Variants in SPECC1 observed in about 807,000 individuals in gnomAD.
SPECC1 encodes sperm antigen with calponin homology and coiled-coil domains 1, also known as cytospin-B.
Under a neutral mutation model 104.1 loss-of-function variants are expected in SPECC1, and 62 were observed. That is an observed-to-expected ratio of 0.60 (90% CI 0.49 to 0.74). The LOEUF is 0.74. Among genes scored for constraint, SPECC1 ranks in the 30% least tolerant of loss-of-function variants. The probability of loss-of-function intolerance (pLI) is 0.00; values close to 1 mark genes in which losing one functional copy is unlikely to be tolerated. For missense variants in SPECC1, 1,306 were observed against 1,310.5 expected (o/e 1.00, Z 0.05); for synonymous variants, 513 against 501.6 (o/e 1.02, Z -0.30).
intron 1 of SPECC1, among the ~76,000 whole-genome samples, chr17:20,049,095 T>C (rs1053582488): frequency 6.6e-6 from 1 of 152,086 alleles, no homozygotes; most frequent in Admixed American, 6.5e-5. Flanking sequence ...GGAATTGCTT[T>C]GTCAAAGGAT....
At chr17:20,280,194 C>T (rs969142794) in intron 12 of SPECC1, among the ~76,000 whole-genome samples, 4 of 152,142 alleles carry the variant, frequency 2.6e-5, no homozygotes, top group African/African-American at 4.8e-5. Flanking sequence ...CTGCATGTGT[C>T]GTCAGAGAAC....
chr17:20,209,119 A>G (rs2036971566), intron 4 of SPECC1, among the ~76,000 whole-genome samples: 1 of 152,236 alleles, frequency 6.6e-6, no homozygotes, highest in Non-Finnish European at 1.5e-5. Context: ...GTGTAAAATC[A>G]TGCTTGCATT....
chr17:20,141,104 G>T (rs1211788319), intron 3 of SPECC1, among the ~76,000 whole-genome samples: 1 of 152,162 alleles, frequency 6.6e-6, no homozygotes, highest in African/African-American at 2.4e-5. Flanking sequence ...GACCTTGATG[G>T]ATATGCTGTT....
intron 1 of SPECC1, among the ~76,000 whole-genome samples, chr17:20,027,250 C>G (rs1286128858): frequency 6.6e-6 from 1 of 152,152 alleles, no homozygotes; most frequent in East Asian, 1.9e-4. Context: ...TTATTCAGAT[C>G]TTTTGCCCAT....
chr17:20,257,040 T>G (rs1028496957), intron 10 of SPECC1, among the ~76,000 whole-genome samples: 3 of 152,238 alleles, frequency 2.0e-5, no homozygotes, highest in African/African-American at 4.8e-5. Flanking sequence ...TCCCAGCTTC[T>G]TGTTTATTGC....
chr17:20,205,314 T>G lies in SPECC1; in HGVS notation c.1265T>G (p.Leu422Ter), dbSNP rs1321594942. 1 of 1,614,220 alleles carries G rather than the reference T, an allele frequency of 6.2e-7. No individual in the cohort carries two copies. The highest frequency in any genetic ancestry group is 1.1e-5 in the South Asian group (1 of 91,082). Residue 422 changes from leucine to a stop codon, truncating the protein, a stop_gained, in exon 4 of 15, where the codon TTA becomes TGA. Coordinates refer to ENST00000395527, the MANE Select transcript of SPECC1 (RefSeq NM_001243439.2). LOFTEE classifies it high-confidence loss of function. The part of the protein sequence containing the change: ...NEKLVDEKTI[L>*]ETSFHQHRER... ...AAGCTGGTGGATGAAAAGACGATTTTAGAGACATCCTTTCATCAGCATCGA... is the reference window on the plus strand; with the variant it reads ...AAGCTGGTGGATGAAAAGACGATTTGAGAGACATCCTTTCATCAGCATCGA...
intron 4 of SPECC1, among the ~76,000 whole-genome samples, chr17:20,222,526 A>G (rs887728199): frequency 2.6e-5 from 4 of 152,166 alleles, no homozygotes; most frequent in African/African-American, 9.7e-5. Flanking sequence ...TTTCTGTCTT[A>G]TTAACTTTTT....
intron 3 of SPECC1, among the ~76,000 whole-genome samples, chr17:20,159,487 C>T (rs2032936358): frequency 1.3e-5 from 2 of 152,174 alleles, no homozygotes; most frequent in East Asian, 3.9e-4. Flanking sequence ...ATCTGAGACC[C>T]GCTGTAGGCG....
intron 10 of SPECC1, 134 bp downstream of exon 10, chr17:20,253,720 T>C: frequency 1.2e-6 from 1 of 807,690 alleles, no homozygotes; most frequent in Non-Finnish European, 2.0e-6. Context: ...CCCCGAATAA[T>C]GTACATATCA....
Position 20,316,219 on chromosome 17 carries a change from GA to G in SPECC1, c.*2157del, listed in dbSNP as rs2042038805. The G allele has an allele frequency of 4.4e-6, 1 of 229,460 alleles. No homozygotes were observed. Among genetic ancestry groups the G allele is most frequent in the Non-Finnish European group, 8.6e-6 (1 of 116,038 alleles). 14.2% of individuals were successfully genotyped at this position (229,460 alleles called of 1,614,324 possible). A position where few individuals can be genotyped will look rare whatever the true frequency, so the allele number is the denominator to read the frequency against. ...TTCTTTGCCCACCATTAAAGTGGGG[GA>G]AAGTAATATCCCAAGTAGTTGAGTT... On this transcript the variant is annotated 3_prime_UTR_variant, in exon 15 of 15. Transcript: ENST00000395527.
intron 7 of SPECC1, chr17:20,238,410 G>T (rs1292280839): frequency 1.9e-6 from 2 of 1,041,286 alleles, no homozygotes; most frequent in Admixed American, 5.6e-5. Context: ...GAAACCTTCT[G>T]CAATCCTCAC....
chr17:20,192,032 G>A (rs1157061319), intron 3 of SPECC1, among the ~76,000 whole-genome samples: 1 of 152,030 alleles, frequency 6.6e-6, no homozygotes, highest in Non-Finnish European at 1.5e-5. Flanking sequence ...CACCTCCTGG[G>A]CTCAAGTGAT....
At chr17:20,058,903 G>A (rs935442639) in intron 1 of SPECC1, among the ~76,000 whole-genome samples, 1 of 142,086 alleles carries the variant, frequency 7.0e-6, no homozygotes, top group African/African-American at 2.6e-5. Flanking sequence ...GCAGTGGCGT[G>A]ATCTCGGCTT....
chr17:20,195,891 T>G (rs911360111), intron 3 of SPECC1, among the ~76,000 whole-genome samples: 2 of 152,274 alleles, frequency 1.3e-5, no homozygotes, highest in Admixed American at 1.3e-4. Flanking sequence ...AGCAGGTTTT[T>G]GCTCTAAGAA....
At chr17:20,170,079 C>T (rs1366347075) in intron 3 of SPECC1, among the ~76,000 whole-genome samples, 2 of 152,252 alleles carry the variant, frequency 1.3e-5, no homozygotes, top group Admixed American at 1.3e-4. Context: ...GACCCAGCCT[C>T]TGCTGTTCCA....
intron 4 of SPECC1, among the ~76,000 whole-genome samples, chr17:20,214,985 A>G (rs1170180525): frequency 6.6e-6 from 1 of 152,232 alleles, no homozygotes; most frequent in East Asian, 1.9e-4. Context: ...AATGTGGGGC[A>G]GGCTTGAGAA....
chr17:20,277,373 T>A (rs2040607453), intron 12 of SPECC1, among the ~76,000 whole-genome samples: 1 of 152,216 alleles, frequency 6.6e-6, no homozygotes. Flanking sequence ...GGGCATATGC[T>A]TAAAGTACTT....
chr17:20,186,432 T>A (rs1435277417), intron 3 of SPECC1, among the ~76,000 whole-genome samples: 1 of 152,230 alleles, frequency 6.6e-6, no homozygotes, highest in Non-Finnish European at 1.5e-5. Context: ...GATGCAGGGT[T>A]GCCACAAGCC....
At chr17:20,033,467 GA>G (rs2044911192) in intron 1 of SPECC1, among the ~76,000 whole-genome samples, 1 of 152,062 alleles carries the variant, frequency 6.6e-6, no homozygotes, top group Non-Finnish European at 1.5e-5. Context: ...AATTTATAAA[GA>G]AAAAAGGTTT....
Sources: allele counts gnomAD v4.1 joint callset (sites outside exome capture counted in the v4.1 genomes callset), GRCh38; gene constraint gnomAD v4.1.1; transcripts MANE v1.5; gene names NCBI Gene and HGNC (gene_info 2026-07-23, HGNC 2026-07-21).